G6PC3: variants seen among roughly 807,000 people sequenced by gnomAD.
The protein encoded by G6PC3 is glucose-6-phosphatase catalytic subunit 3, also known as glucose-6-phosphatase 3.
A neutral mutation model predicts 38.6 loss-of-function variants in G6PC3; 30 were observed. The ratio of observed to expected loss-of-function variants is 0.78; its 90% CI spans 0.58 to 1.05. G6PC3 has a LOEUF of 1.05. Among genes scored for constraint, G6PC3 ranks in the 50% least tolerant of loss-of-function variants. G6PC3 has a pLI of 0.00. For synonymous variants in G6PC3, 192 were observed against 178.1 expected, an observed-to-expected ratio of 1.08 and a Z score of -0.62; for missense variants, 377 against 443.1, an observed-to-expected ratio of 0.85 and a Z score of 1.34.
rs754308186 is a variant in G6PC3 at position 44,074,783 on chromosome 17, C to T, written c.416+13C>T. On this transcript the variant is annotated intron_variant, in intron 3 of 5. Coordinates refer to ENST00000269097, the MANE Select transcript of G6PC3 (RefSeq NM_138387.4). ...CTCGGGCCCGCAGGTATACCCTTGGCATTGCCCACCATTGGGAGCAGGGGT... is the reference window on the plus strand; with the variant it reads ...CTCGGGCCCGCAGGTATACCCTTGGTATTGCCCACCATTGGGAGCAGGGGT... 5 of 1,608,842 alleles carry T rather than the reference C, an allele frequency of 3.1e-6. No individual in the cohort carries two copies. In the South Asian group the frequency reaches 5.5e-5, roughly 18 times the overall value.
chr17:44,072,883 C>G (rs1363689560), intron 1 of G6PC3: 1 of 152,028 alleles, frequency 6.6e-6, no homozygotes, highest in East Asian at 2.0e-4. Flanking sequence ...GTGATCCACC[C>G]TCCTCTGCCT....
intron 2 of G6PC3, 31 bp from the exon 3 acceptor site, chr17:44,074,649 T>G (rs776581911): frequency 6.2e-7 from 1 of 1,607,950 alleles, no homozygotes; most frequent in Non-Finnish European, 8.5e-7. Flanking sequence ...GCCTCCATCT[T>G]CTCACCACGA....
chr17:44,071,172 C>T lies in G6PC3; in HGVS notation c.207C>T (p.Leu69=), dbSNP rs748995827. 6 of 1,613,330 alleles carry T rather than the reference C, an allele frequency of 3.7e-6. No homozygotes were observed. Among genetic ancestry groups the T allele is most frequent in the African/African-American group, 2.7e-5 (2 of 74,938 alleles). Reference sequence around the variant, plus strand: ...GCCTCATCACCGAGTGGCTCAACCTCATCTTCAAGTGGTGAGACAGAGAAG... The same window carrying T: ...GCCTCATCACCGAGTGGCTCAACCTTATCTTCAAGTGGTGAGACAGAGAAG... The part of the protein sequence containing the change: ...WISLITEWLN[L]IFKWFLFGDR... The change falls in exon 1 of 6, where the codon CTC becomes CTT. Residue 69 remains leucine, a synonymous_variant. Coordinates refer to ENST00000269097, the MANE Select transcript of G6PC3 (RefSeq NM_138387.4).
Position 44,070,983 on chromosome 17 carries a change from C to T in G6PC3, c.18C>T (p.Gly6=), listed in dbSNP as rs987265923. The part of the protein sequence containing the change: MESTL[G]AGIVIAEALQ... ...GGGCCGCCATGGAGTCCACGCTGGGCGCGGGCATCGTGATAGCCGAGGCGC... is the reference window on the plus strand; with the variant it reads ...GGGCCGCCATGGAGTCCACGCTGGGTGCGGGCATCGTGATAGCCGAGGCGC... The change falls in exon 1 of 6, where the codon GGC becomes GGT. Residue 6 remains glycine, a synonymous_variant. Coordinates refer to ENST00000269097, the MANE Select transcript of G6PC3 (RefSeq NM_138387.4). 1.3e-6 allele frequency: 2 copies of T among 1,553,960 alleles called. No individual in the cohort carries two copies. The highest frequency in any genetic ancestry group is 2.7e-5 in the African/African-American group (2 of 73,296).
chr17:44,073,891 GC>G, intron 1 of G6PC3: 1 of 432,472 alleles, frequency 2.3e-6, no homozygotes, highest in Non-Finnish European at 4.3e-6. Context: ...ACTGTACCTG[GC>G]CCCAGACTAG....
At chr17:44,075,144 C>G in intron 4 of G6PC3, 57 bp downstream of exon 4, 1 of 1,514,200 alleles carries the variant, frequency 6.6e-7, no homozygotes, top group South Asian at 1.1e-5. Context: ...GTGGGAGGAT[C>G]AGTCTAGGAT....
At position 44,071,107 on chromosome 17, in the gene G6PC3, T is replaced by G; in HGVS notation, c.142T>G (p.Tyr48Asp). 1 of 1,614,044 alleles carries G rather than the reference T, an allele frequency of 6.2e-7. No homozygotes were observed. The highest frequency in any genetic ancestry group is 8.5e-7 in the Non-Finnish European group (1 of 1,179,980). The part of the protein sequence containing the change: ...LFLFYFPAAY[Y>D]ASRRVGIAVL... ...TCTGTTCTACTTCCCCGCGGCCTAC[T>G]ACGCCTCCCGCCGTGTGGGCATCGC... Residue 48 changes from tyrosine to aspartate, a missense_variant, in exon 1 of 6, where the codon TAC becomes GAC. Tyr to Asp is a radical substitution (Grantham distance 160). Transcript: ENST00000269097.
At chr17:44,075,231 C>T (rs1250406200) in intron 4 of G6PC3, 79 bp from the exon 5 acceptor site, 5 of 1,586,264 alleles carry the variant, frequency 3.2e-6, no homozygotes, top group South Asian at 1.1e-5. Context: ...TCTTGCCAAG[C>T]TGCACTGCAG....
At position 44,074,332 on chromosome 17, in the gene G6PC3, C is replaced by T. The variant is rs759916293; in HGVS notation, c.325+66C>T. The T allele has an allele frequency of 4.4e-5, 56 of 1,285,050 alleles. 1 individual carries two copies. The Middle Eastern group carries it at 2.0e-3, about 46-fold the overall frequency. 79.6% of individuals were successfully genotyped at this position (1,285,050 alleles called of 1,614,324 possible). A position where few individuals can be genotyped will look rare whatever the true frequency, so the allele number is the denominator to read the frequency against. On this transcript the variant is annotated intron_variant, in intron 2 of 5. Transcript: ENST00000269097. ...GGGTTCGGGTGAACATTTCAGAGTA[C>T]TTTTCAGCCTGGGTGGCCCAACCAA...
intron 5 of G6PC3, 102 bp from the exon 6 acceptor site, chr17:44,075,578 G>T (rs1388800167): frequency 1.3e-6 from 2 of 1,598,960 alleles, no homozygotes; most frequent in Admixed American, 1.7e-5. Context: ...ACCCTCACAG[G>T]CACAAAACAG....
At position 44,075,374 on chromosome 17, in the gene G6PC3, G is replaced by T; in HGVS notation, c.600G>T (p.Gly200=). ...TGGAGCGGGAGCTAAGCTTCTATGGGTTGACTGCACTGGCCCTCATGCTAG... is the reference window on the plus strand; with the variant it reads ...TGGAGCGGGAGCTAAGCTTCTATGGTTTGACTGCACTGGCCCTCATGCTAG... ...VPMERELSFY[G]LTALALMLGT... is the part of the protein sequence containing the mutation. The change falls in exon 5 of 6, where the codon GGG becomes GGT. Residue 200 remains glycine (G), a synonymous_variant. Coordinates refer to ENST00000269097, the MANE Select transcript of G6PC3 (RefSeq NM_138387.4). 1.2e-6 allele frequency: 2 copies of T among 1,614,144 alleles called. No individual in the cohort carries two copies. The highest frequency in any genetic ancestry group is 1.7e-6 in the Non-Finnish European group (2 of 1,180,012).
intron 1 of G6PC3, chr17:44,071,915 A>C: frequency 3.0e-6 from 1 of 331,566 alleles, no homozygotes; most frequent in Non-Finnish European, 6.0e-6. Context: ...CTTCACACTG[A>C]GACTTAGAAG....
Position 44,076,059 on chromosome 17 carries a change from C to A in G6PC3, c.*16C>A. ...CTCTTCCTGACTTCTTGTGTGCCTC[C>A]CTTTCCTTTCCCTCCCACAAAGCCA... is the stretch of plus-strand genomic sequence containing the variant. On this transcript the variant is annotated 3_prime_UTR_variant, in exon 6 of 6. Coordinates refer to ENST00000269097, the MANE Select transcript of G6PC3 (RefSeq NM_138387.4). 1 of 1,611,472 alleles carries A rather than the reference C, an allele frequency of 6.2e-7. No individual in the cohort carries two copies. Among genetic ancestry groups the A allele is most frequent in the African/African-American group, 1.3e-5 (1 of 75,052 alleles).
At position 44,075,347 on chromosome 17, in the gene G6PC3, T is replaced by C. The variant is rs1290235695; in HGVS notation, c.573T>C (p.Pro191=). 6.2e-7 allele frequency: 1 copy of C among 1,614,018 alleles called. No individual in the cohort carries two copies. The highest frequency in any genetic ancestry group is 8.5e-7 in the Non-Finnish European group (1 of 1,180,024). Residue 191 remains proline (P), a synonymous_variant, in exon 5 of 6, where the codon CCT becomes CCC. Coordinates refer to ENST00000269097, the MANE Select transcript of G6PC3 (RefSeq NM_138387.4). ...GCTGGCTGATGACTCCCCGAGTGCC[T>C]ATGGAGCGGGAGCTAAGCTTCTATG... ...VLGWLMTPRV[P]MERELSFYGL...
Position 44,076,209 on chromosome 17 carries a change from TC to T in G6PC3, c.*169del. 1 of 969,652 alleles carries T rather than the reference TC, an allele frequency of 1.0e-6. No individual in the cohort carries two copies. Among genetic ancestry groups the T allele is most frequent in the Non-Finnish European group, 1.6e-6 (1 of 609,178 alleles). The allele number at this position is 969,652 out of a possible 1,614,324, so 60.1% of individuals were successfully genotyped here. On this transcript the variant is annotated 3_prime_UTR_variant, in exon 6 of 6. Transcript: ENST00000269097. ...TAGCCCCAAAGATGGGCCTTCTCTC[TC>T]CCAGATAAGTTGGTCCTCCCTCTGC...
At chr17:44,072,513 A>G (rs2050000671) in intron 1 of G6PC3, 1 of 151,662 alleles carries the variant, frequency 6.6e-6, no homozygotes, top group South Asian at 2.1e-4. Flanking sequence ...TATTTTTAGT[A>G]GAGAAGGGGT....
chr17:44,074,754 G>A lies in G6PC3; in HGVS notation c.400G>A (p.Ala134Thr). ...PIMTALSSQV[A>T]TRARSRWVRV... The stretch of plus-strand genomic sequence containing the variant: ...AATGACGGCCCTGTCTTCGCAGGTG[G>A]CCACTCGGGCCCGCAGGTATACCCT... The change falls in exon 3 of 6, where the codon GCC (alanine) becomes ACC (threonine). Residue 134 changes from alanine (A) to threonine (T), a missense_variant. Coordinates refer to ENST00000269097, the MANE Select transcript of G6PC3 (RefSeq NM_138387.4). 2 of 1,613,908 alleles carry A rather than the reference G, an allele frequency of 1.2e-6. No homozygotes were observed. Among genetic ancestry groups the A allele is most frequent in the Middle Eastern group, 1.6e-4 (1 of 6,062 alleles).
rs2049962601 is a variant in G6PC3, at chr17:44,070,868, G to A, written c.-98G>A. ...CGGGGCGGGGCCTGGGGCTCAGAGG[G>A]GTGGGCTTTGGAGATCAGAGGGTCG... On this transcript the variant is annotated 5_prime_UTR_variant, in exon 1 of 6. Coordinates refer to ENST00000269097, the MANE Select transcript of G6PC3 (RefSeq NM_138387.4). 7.2e-7 allele frequency: 1 copy of A among 1,381,410 alleles called. No homozygotes were observed. The highest frequency in any genetic ancestry group is 1.4e-5 in the African/African-American group (1 of 70,226). 85.6% of individuals were successfully genotyped at this position (1,381,410 alleles called of 1,614,324 possible). A position where few individuals can be genotyped will look rare whatever the true frequency, so the allele number is the denominator to read the frequency against.
intron 1 of G6PC3, chr17:44,073,855 A>G (rs1361969723): frequency 8.2e-6 from 3 of 366,914 alleles, no homozygotes; most frequent in Non-Finnish European, 1.6e-5. Flanking sequence ...AGGCCTCCCA[A>G]AGTACTGGGA....
Sources: gnomAD v4.1 joint callset for allele counts on GRCh38, gnomAD v4.1.1 for gene constraint, MANE v1.5 for transcripts, NCBI Gene and HGNC (gene_info 2026-07-23, HGNC 2026-07-21) for gene names.